The following RICTOR variants were observed in gnomAD, a reference collection of about 807,000 sequenced individuals.
RICTOR encodes RPTOR independent companion of MTOR complex 2, also known as rapamycin-insensitive companion of mTOR.
A neutral mutation model predicts 214.9 loss-of-function variants in RICTOR; 49 were observed. That is an observed-to-expected ratio of 0.23 (90% CI 0.18 to 0.29). RICTOR has a LOEUF of 0.29. Among genes scored for constraint, RICTOR ranks in the 10% least tolerant of loss-of-function variants. The pLI is 1.00. For synonymous variants in RICTOR, 717 were observed against 711.3 expected, an observed-to-expected ratio of 1.01 and a Z score of -0.13; for missense variants, 1,625 against 2,047.0, an observed-to-expected ratio of 0.79 and a Z score of 3.98.
intron 2 of RICTOR, 110 bp from the exon 3 acceptor site, chr5:39,021,246 C>T: frequency 1.4e-6 from 1 of 709,284 alleles, no homozygotes; most frequent in Non-Finnish European, 2.6e-6. Context: ...GGTTTAAAGT[C>T]TTACCCTCCA....
At chr5:39,016,497 G>A (rs1308559186) in intron 3 of RICTOR, among the ~76,000 whole-genome samples, 2 of 151,860 alleles carry the variant, frequency 1.3e-5, no homozygotes, top group Non-Finnish European at 2.9e-5. Flanking sequence ...GAGAGAGGAG[G>A]TGGAGCGAAT....
intron 9 of RICTOR, among the ~76,000 whole-genome samples, chr5:38,977,767 A>G (rs1259725102): frequency 6.6e-6 from 1 of 151,764 alleles, no homozygotes; most frequent in African/African-American, 2.4e-5. Context: ...TTGTATTTTT[A>G]GTAGAGACGG....
chr5:38,991,907 G>T (rs574001671), intron 6 of RICTOR, among the ~76,000 whole-genome samples: 1 of 152,140 alleles, frequency 6.6e-6, no homozygotes, highest in Admixed American at 6.5e-5. Flanking sequence ...TATTTTGTTT[G>T]TATAGTAATA....
intron 6 of RICTOR, among the ~76,000 whole-genome samples, chr5:38,992,943 A>T (rs1425926159): frequency 6.6e-6 from 1 of 152,182 alleles, no homozygotes; most frequent in Non-Finnish European, 1.5e-5. Context: ...TGAGTTACCT[A>T]AGGGGAATAT....
In RICTOR at chr5:38,952,360, T is replaced by C. The variant is rs775622112; in HGVS notation, c.2963A>G (p.His988Arg). Reference sequence around the variant, plus strand: ...ACTATGCCTCACAGCATCCCAGTTGTGACATTTTAGAATATCACAGCCTTG... The same window carrying C: ...ACTATGCCTCACAGCATCCCAGTTGCGACATTTTAGAATATCACAGCCTTG... ...TKQGCDILKC[H>R]NWDAVRHSRK... is the part of the protein sequence containing the mutation. Residue 988 changes from histidine (H) to arginine (R), a missense_variant, in exon 30 of 38, where the codon CAC becomes CGC. His to Arg is a conservative substitution (Grantham distance 29, BLOSUM62 0). Transcript: ENST00000357387. 5 of 1,612,940 alleles carry C rather than the reference T, an allele frequency of 3.1e-6. No individual in the cohort carries two copies. The Admixed American group carries it at 8.4e-5, about 27-fold the overall frequency.
At chr5:39,030,658 A>G (rs1455791234) in intron 2 of RICTOR, among the ~76,000 whole-genome samples, 2 of 152,200 alleles carry the variant, frequency 1.3e-5, no homozygotes, top group African/African-American at 4.8e-5. Context: ...TATGAGGACA[A>G]GGACATCTTG....
chr5:38,973,638 A>G (rs1750967818), intron 10 of RICTOR, among the ~76,000 whole-genome samples: 1 of 152,206 alleles, frequency 6.6e-6, no homozygotes, highest in Admixed American at 6.5e-5. Context: ...TGTTCTCTTT[A>G]GATTCAGGAT....
chr5:38,980,656 AG>A (rs1259135158), intron 8 of RICTOR, among the ~76,000 whole-genome samples: 4 of 152,056 alleles, frequency 2.6e-5, no homozygotes, highest in Non-Finnish European at 5.9e-5. Flanking sequence ...GACCAGCCTG[AG>A]CAACATGGCA....
intron 8 of RICTOR, among the ~76,000 whole-genome samples, chr5:38,979,343 G>A (rs990996126): frequency 4.6e-5 from 7 of 152,080 alleles, no homozygotes; most frequent in African/African-American, 1.7e-4. Flanking sequence ...TCTTGTCTAC[G>A]GCATTACTGT....
At chr5:39,049,236 C>A (rs1456863138) in intron 2 of RICTOR, among the ~76,000 whole-genome samples, 2 of 150,812 alleles carry the variant, frequency 1.3e-5, no homozygotes, top group African/African-American at 4.9e-5. Context: ...AGGGCACAAC[C>A]AAAAACCATG....
At chr5:38,994,363 C>T (rs1031341057) in intron 6 of RICTOR, among the ~76,000 whole-genome samples, 3 of 138,714 alleles carry the variant, frequency 2.2e-5, no homozygotes, top group Non-Finnish European at 4.6e-5. Flanking sequence ...AACTTCAGGT[C>T]CCAAGCGTTT....
At chr5:39,040,847 G>A (rs932900518) in intron 2 of RICTOR, among the ~76,000 whole-genome samples, 2 of 152,136 alleles carry the variant, frequency 1.3e-5, no homozygotes, top group African/African-American at 4.8e-5. Context: ...ATAACTGCTA[G>A]GAGAGGAACA....
In RICTOR at chr5:38,941,988, T is replaced by C. The variant is rs1975089; in HGVS notation, c.*316A>G. 251,181 of 260,368 alleles carry C rather than the reference T, an allele frequency of 0.96. 121,333 individuals are homozygous for C. The highest frequency in any genetic ancestry group is 0.99 in the East Asian group (17,672 of 17,856). The allele number at this position is 260,368 out of a possible 1,614,324, so 16.1% of individuals were successfully genotyped here. A position where few individuals can be genotyped will look rare whatever the true frequency, so the allele number is the denominator to read the frequency against. On this transcript the variant is annotated 3_prime_UTR_variant, in exon 38 of 38. Coordinates refer to ENST00000357387, the MANE Select transcript of RICTOR (RefSeq NM_152756.5). The stretch of plus-strand genomic sequence containing the variant: ...TCCCATTATTGTTCCACTGTCATTA[T>C]GCTTTTAAAATGAAAGAAAATAGAA...
intron 2 of RICTOR, among the ~76,000 whole-genome samples, chr5:39,026,864 G>A (rs1036855518): frequency 2.6e-5 from 4 of 151,710 alleles, no homozygotes; most frequent in African/African-American, 9.7e-5. Context: ...AAAATAAGCT[G>A]GGCGTGGTCA....
At chr5:39,007,885 G>A (rs1336394184) in intron 3 of RICTOR, among the ~76,000 whole-genome samples, 4 of 149,744 alleles carry the variant, frequency 2.7e-5, no homozygotes, top group Non-Finnish European at 5.9e-5. Context: ...TTATATACTG[G>A]TAATGGGATT....
chr5:38,965,183 T>C lies in RICTOR; in HGVS notation c.1300-291A>G, dbSNP rs183948113. On this transcript the variant is annotated intron_variant, in intron 15 of 37. Transcript: ENST00000357387. Reference sequence around the variant, plus strand: ...AGTGGTACCCAGTTAAACTCAATTCTTAAATGCCAGAAGGGATTATATGTC... The same window carrying C: ...AGTGGTACCCAGTTAAACTCAATTCCTAAATGCCAGAAGGGATTATATGTC... Among the ~76,000 whole-genome samples, 154 of 151,918 alleles carry C rather than the reference T, an allele frequency of 1.0e-3. 1 individual carries two copies. The Middle Eastern group carries it at 0.01, about 10-fold the overall frequency.
intron 9 of RICTOR, among the ~76,000 whole-genome samples, chr5:38,977,784 A>T (rs1217251982): frequency 6.6e-6 from 1 of 151,792 alleles, no homozygotes; most frequent in Non-Finnish European, 1.5e-5. Context: ...ACGGGGTTTC[A>T]CCAGATTGGT....
chr5:39,003,646 T>A, intron 3 of RICTOR, 24 bp from the exon 4 acceptor site: 1 of 1,486,930 alleles, frequency 6.7e-7, no homozygotes, highest in Non-Finnish European at 9.4e-7. Flanking sequence ...AAAATAAGTG[T>A]GCATTTATGT....
chr5:39,045,414 G>T (rs1039776065), intron 2 of RICTOR, among the ~76,000 whole-genome samples: 1 of 151,960 alleles, frequency 6.6e-6, no homozygotes, highest in Non-Finnish European at 1.5e-5. Flanking sequence ...ATAACTAAAA[G>T]CAATTATTAA....
Sources: allele counts gnomAD v4.1 joint callset (sites outside exome capture counted in the v4.1 genomes callset), GRCh38; gene constraint gnomAD v4.1.1; transcripts MANE v1.5; gene names NCBI Gene and HGNC (gene_info 2026-07-23, HGNC 2026-07-21).